The following EFCC1 variants were observed in gnomAD, a reference collection of about 807,000 sequenced individuals.
EFCC1 encodes the protein EF-hand and coiled-coil domain-containing protein 1.
A neutral mutation model predicts 52.1 loss-of-function variants in EFCC1; 50 were observed. The ratio of observed to expected loss-of-function variants is 0.96; its 90% CI spans 0.76 to 1.21. EFCC1 has a LOEUF of 1.21. EFCC1 is among the 50% of genes most tolerant of loss of function. EFCC1 has a pLI of 0.00. For missense variants in EFCC1, 837 were observed against 867.3 expected, an observed-to-expected ratio of 0.97 and a Z score of 0.44; for synonymous variants, 399 against 396.5, an observed-to-expected ratio of 1.01 and a Z score of -0.08.
At chr3:129,030,545 C>A in intron 2 of EFCC1, 158 bp from the exon 3 acceptor site, 1 of 799,986 alleles carries the variant, frequency 1.3e-6, no homozygotes, top group Non-Finnish European at 1.7e-6. Flanking sequence ...GCAAGGGATG[C>A]TGGGAATCTG....
chr3:129,029,586 T>G (rs1173307815), intron 2 of EFCC1, among the ~76,000 whole-genome samples: 2 of 36,244 alleles, frequency 5.5e-5, no homozygotes, highest in Non-Finnish European at 5.1e-5. Flanking sequence ...TGTTTTTTGG[T>G]TTTTTTTTTG....
chr3:129,018,894 G>A (rs1433956767), intron 2 of EFCC1, among the ~76,000 whole-genome samples: 1 of 152,198 alleles, frequency 6.6e-6, no homozygotes, highest in African/African-American at 2.4e-5. Flanking sequence ...CACCCCAAAT[G>A]TTGTTCTGCG....
chr3:129,027,702 T>C (rs144510837), intron 2 of EFCC1, among the ~76,000 whole-genome samples: 5 of 152,248 alleles, frequency 3.3e-5, no homozygotes, highest in African/African-American at 1.2e-4. Context: ...ACGCCTGTAA[T>C]CTCAGCACTT....
chr3:129,029,030 C>T (rs1212418878), intron 2 of EFCC1, among the ~76,000 whole-genome samples: 2 of 152,140 alleles, frequency 1.3e-5, no homozygotes, highest in Admixed American at 1.3e-4. Flanking sequence ...TTCACTTCCT[C>T]GGTTGTATTC....
At chr3:129,016,783 T>C (rs1945604936) in intron 2 of EFCC1, among the ~76,000 whole-genome samples, 1 of 152,146 alleles carries the variant, frequency 6.6e-6, no homozygotes, top group South Asian at 2.1e-4. Context: ...TTTTGAGCAC[T>C]CACTGGGTGT....
intron 2 of EFCC1, among the ~76,000 whole-genome samples, chr3:129,021,451 G>A (rs1427399831): frequency 6.6e-6 from 1 of 152,202 alleles, no homozygotes; most frequent in Non-Finnish European, 1.5e-5. Flanking sequence ...TGCCTGGCCT[G>A]TAGTCCCAGC....
rs1290496340 is a variant in EFCC1, at chr3:129,001,767, G to A, written c.139G>A (p.Glu47Lys). The A allele has an allele frequency of 6.5e-7, 1 of 1,542,704 alleles. No individual in the cohort carries two copies. Among genetic ancestry groups the A allele is most frequent in the Non-Finnish European group, 8.7e-7 (1 of 1,145,318 alleles). ...CGGGCTGGACCGCGGCGTGGAGAAC[G>A]AGATCGTGGTGCTGGCCACCGGCCT... is the stretch of plus-strand genomic sequence containing the variant. ...HYGLDRGVEN[E>K]IVVLATGLDQ... The change falls in exon 1 of 8, where the codon GAG (glutamate) becomes AAG (lysine). Residue 47 changes from glutamate (E) to lysine (K), a missense_variant. By Grantham distance (56) the Glu-to-Lys change is moderately conservative (BLOSUM62 1). Transcript: ENST00000683648.
intron 6 of EFCC1, among the ~76,000 whole-genome samples, chr3:129,037,863 C>T (rs992165255): frequency 2.0e-5 from 3 of 150,374 alleles, no homozygotes; most frequent in Non-Finnish European, 3.0e-5. Flanking sequence ...GAGTTCGAGA[C>T]CAGCCTGGCC....
chr3:129,031,697 T>G (rs1362129471), intron 3 of EFCC1, among the ~76,000 whole-genome samples: 1 of 152,242 alleles, frequency 6.6e-6, no homozygotes, highest in East Asian at 1.9e-4. Context: ...CGCAGCTGTC[T>G]GGACCCCTGG....
intron 2 of EFCC1, among the ~76,000 whole-genome samples, chr3:129,028,581 T>C: frequency 6.6e-6 from 1 of 152,152 alleles, no homozygotes; most frequent in East Asian, 1.9e-4. Context: ...TTTGCAGCTT[T>C]ACCATGAGGA....
At chr3:129,035,034 G>T (rs1339194320) in intron 5 of EFCC1, among the ~76,000 whole-genome samples, 1 of 151,956 alleles carries the variant, frequency 6.6e-6, no homozygotes, top group African/African-American at 2.4e-5. Flanking sequence ...TACTCCATAG[G>T]AAAGTCTCTA....
chr3:129,021,188 G>A (rs975066162), intron 2 of EFCC1, among the ~76,000 whole-genome samples: 1 of 152,182 alleles, frequency 6.6e-6, no homozygotes, highest in African/African-American at 2.4e-5. Flanking sequence ...GTGTCCTGCT[G>A]GACATTTATG....
At chr3:129,038,073 AAAAATT>A (rs1946379155) in intron 6 of EFCC1, among the ~76,000 whole-genome samples, 1 of 152,130 alleles carries the variant, frequency 6.6e-6, no homozygotes, top group Non-Finnish European at 1.5e-5. Context: ...CAAAAAAAAA[AAAAATT>A]AAAATTAAAA....
At chr3:129,035,517 A>G (rs538748947) in intron 5 of EFCC1, among the ~76,000 whole-genome samples, 3 of 152,362 alleles carry the variant, frequency 2.0e-5, no homozygotes, top group East Asian at 3.9e-4. Flanking sequence ...CCAAGACAGA[A>G]GGTAGCAGGC....
chr3:129,034,002 C>T (rs1164191767), intron 4 of EFCC1, among the ~76,000 whole-genome samples, 162 bp from the exon 5 acceptor site: 1 of 152,194 alleles, frequency 6.6e-6, no homozygotes, highest in Non-Finnish European at 1.5e-5. Context: ...GCCTTTTCCT[C>T]AGAGTGAGAT....
At chr3:129,016,702 G>C (rs1226099978) in intron 2 of EFCC1, among the ~76,000 whole-genome samples, 1 of 152,084 alleles carries the variant, frequency 6.6e-6, no homozygotes, top group Non-Finnish European at 1.5e-5. Flanking sequence ...CCACTTCTCT[G>C]GTCAAACCCT....
At position 129,001,984 on chromosome 3, in the gene EFCC1, C is replaced by T. The variant is rs1358155320; in HGVS notation, c.356C>T (p.Thr119Met). The T allele has an allele frequency of 7.1e-6, 11 of 1,545,272 alleles. No homozygotes were observed. The highest frequency in any genetic ancestry group is 2.0e-5 in the Admixed American group (1 of 50,670). Reference protein sequence around the residue: ...TPGDAAAELATDGDSDTDEEA... With the variant: ...TPGDAAAELAMDGDSDTDEEA... ...GGGGATGCGGCCGCTGAGTTGGCCA[C>T]GGACGGGGACTCAGATACCGATGAA... The change falls in exon 1 of 8, where the codon ACG becomes ATG. Residue 119 changes from threonine (T) to methionine (M), a missense_variant. Physicochemically the swap from Thr to Met is moderately conservative, Grantham distance 81. Transcript: ENST00000683648.
At chr3:129,027,482 G>A (rs1183623432) in intron 2 of EFCC1, among the ~76,000 whole-genome samples, 1 of 152,174 alleles carries the variant, frequency 6.6e-6, no homozygotes, top group South Asian at 2.1e-4. Context: ...CAGTCACGCG[G>A]ATCAGCCGCG....
At chr3:129,039,496 G>A (rs1946397273) in intron 7 of EFCC1, among the ~76,000 whole-genome samples, 1 of 152,264 alleles carries the variant, frequency 6.6e-6, no homozygotes, top group African/African-American at 2.4e-5. Flanking sequence ...GCCCTGAGCA[G>A]TCCCTGCCCT....
Sources: gnomAD v4.1 joint callset for allele counts (sites outside exome capture counted in the v4.1 genomes callset) on GRCh38, gnomAD v4.1.1 for gene constraint, MANE v1.5 for transcripts, NCBI Gene and HGNC (gene_info 2026-07-23, HGNC 2026-07-21) for gene names.